Variants in ANKRD18B observed in about 807,000 individuals in gnomAD.
ANKRD18B encodes ankyrin repeat domain 18B, also known as ankyrin repeat domain-containing protein 18B.
In ANKRD18B, 75 loss-of-function variants were observed where a neutral mutation model predicts 111.8. That is an observed-to-expected ratio of 0.67 (90% CI 0.56 to 0.81). The LOEUF (loss-of-function observed/expected upper bound fraction) is 0.81. ANKRD18B is among the 40% of genes least tolerant of loss of function. The pLI, the probability that ANKRD18B is intolerant of heterozygous loss-of-function variation, is 0.00. For synonymous variants in ANKRD18B, 356 were observed against 417.3 expected (o/e 0.85, Z 1.79); for missense variants, 1,038 against 1,225.5 (o/e 0.85, Z 2.28).
At chr9:33,551,330 G>A (rs1828442278) in intron 12 of ANKRD18B, among the ~76,000 whole-genome samples, 1 of 152,174 alleles carries the variant, frequency 6.6e-6, no homozygotes, top group Admixed American at 6.5e-5. Flanking sequence ...GTGGTCATCA[G>A]CATAATCAAT....
At chr9:33,569,584 C>T (rs1828739399) in intron 17 of ANKRD18B, among the ~76,000 whole-genome samples, 1 of 152,016 alleles carries the variant, frequency 6.6e-6, no homozygotes, top group Non-Finnish European at 1.5e-5. Context: ...AGTTTATTTG[C>T]ACCAACTTAA....
intron 10 of ANKRD18B, among the ~76,000 whole-genome samples, chr9:33,544,873 G>A (rs1169958081): frequency 3.3e-5 from 5 of 152,086 alleles, no homozygotes; most frequent in Non-Finnish European, 7.4e-5. Flanking sequence ...TTCAACTGAA[G>A]ATTGGTGAAA....
chr9:33,555,960 C>A, intron 13 of ANKRD18B, 140 bp downstream of exon 13: 2 of 630,478 alleles, frequency 3.2e-6, no homozygotes, highest in Non-Finnish European at 4.7e-6. Flanking sequence ...AAATATATTT[C>A]AGAAACTCAC....
At chr9:33,550,869 T>G (rs1828436545) in intron 12 of ANKRD18B, among the ~76,000 whole-genome samples, 1 of 152,194 alleles carries the variant, frequency 6.6e-6, no homozygotes, top group Admixed American at 6.6e-5. Flanking sequence ...TTAAACAGTA[T>G]TTTTAGATAA....
At chr9:33,550,025 G>C (rs1429223624) in intron 11 of ANKRD18B, among the ~76,000 whole-genome samples, 1 of 152,106 alleles carries the variant, frequency 6.6e-6, no homozygotes, top group Non-Finnish European at 1.5e-5. Context: ...AGTTTGTACG[G>C]GACAGAGTTG....
intron 14 of ANKRD18B, among the ~76,000 whole-genome samples, chr9:33,562,636 G>A (rs1828623515): frequency 6.6e-6 from 1 of 152,180 alleles, no homozygotes; most frequent in South Asian, 2.1e-4. Flanking sequence ...CAAGTTGTGT[G>A]CTATAGAGAA....
chr9:33,548,360 T>C lies in ANKRD18B; in HGVS notation c.1572T>C (p.Ser524=), dbSNP rs1201146529. The C allele has an allele frequency of 1.3e-6, 2 of 1,550,174 alleles. No individual in the cohort carries two copies. Among genetic ancestry groups the C allele is most frequent in the South Asian group, 2.4e-5 (2 of 83,602 alleles). The part of the protein sequence containing the change: ...ELVLWRADDV[S]RHETMGSNIS... ...TTTTATGGAGAGCAGATGATGTTTC[T>C]AGACATGAAACAATGGGTTCTAATA... Residue 524 remains serine, a synonymous_variant, in exon 11 of 19, where the codon TCT becomes TCC. Coordinates refer to ENST00000684830, the MANE Select transcript of ANKRD18B (RefSeq NM_001393611.1).
chr9:33,571,494 A>C (rs899715116), intron 18 of ANKRD18B: 3 of 168,468 alleles, frequency 1.8e-5, no homozygotes, highest in Non-Finnish European at 4.1e-5. Context: ...CATGTTCCAT[A>C]GCTTAAAAAA....
chr9:33,541,358 T>C, intron 9 of ANKRD18B, 131 bp downstream of exon 9: 1 of 1,306,050 alleles, frequency 7.7e-7, no homozygotes, highest in Non-Finnish European at 1.0e-6. Flanking sequence ...TACAAGGTTT[T>C]CACCCATCCA....
At chr9:33,566,163 T>C (rs1378111059) in intron 14 of ANKRD18B, 56 bp from the exon 15 acceptor site, 2 of 1,438,624 alleles carry the variant, frequency 1.4e-6, no homozygotes, top group African/African-American at 2.9e-5. Flanking sequence ...ATTGGTTTTG[T>C]ATTAGATTAT....
chr9:33,531,565 G>A (rs1289570838), intron 3 of ANKRD18B, among the ~76,000 whole-genome samples: 4 of 150,344 alleles, frequency 2.7e-5, no homozygotes, highest in Non-Finnish European at 5.9e-5. Flanking sequence ...GTTGCCCTGG[G>A]TAGGAGGCAC....
chr9:33,525,728 A>G, intron 1 of ANKRD18B, among the ~76,000 whole-genome samples: 1 of 151,074 alleles, frequency 6.6e-6, no homozygotes, highest in Middle Eastern at 3.5e-3. Context: ...ACACACTTGA[A>G]AAATATTTAC....
At chr9:33,542,912 T>C (rs115636462) in intron 9 of ANKRD18B, among the ~76,000 whole-genome samples, 2 of 147,348 alleles carry the variant, frequency 1.4e-5, no homozygotes, top group Non-Finnish European at 3.0e-5. Context: ...TTTCCAGCAG[T>C]TTTTTTTTTA....
chr9:33,530,977 T>C (rs763636491), intron 3 of ANKRD18B, among the ~76,000 whole-genome samples: 1 of 152,196 alleles, frequency 6.6e-6, no homozygotes, highest in African/African-American at 2.4e-5. Context: ...CAGTAGCAAA[T>C]CTTGAACCTT....
chr9:33,559,007 T>C (rs952806053), intron 14 of ANKRD18B, among the ~76,000 whole-genome samples: 4 of 152,166 alleles, frequency 2.6e-5, no homozygotes, highest in Admixed American at 2.6e-4. Context: ...TAACAAGTCA[T>C]AGGTGGGTTT....
In ANKRD18B at chr9:33,548,186, A is replaced by G. The variant is rs1315013560; in HGVS notation, c.1398A>G (p.Lys466=). 1.3e-6 allele frequency: 2 copies of G among 1,548,516 alleles called. No homozygotes were observed. Among genetic ancestry groups the G allele is most frequent in the Middle Eastern group, 1.7e-4 (1 of 5,986 alleles). The change falls in exon 11 of 19, where the codon AAA becomes AAG. Residue 466 remains lysine (K), a synonymous_variant. Transcript: ENST00000684830. ...ATTCGCAACAGCTTAATGATCTGAA[A>G]GCTGAGAATGCAAGGCTGAATTCAA... ...AQYSQQLNDL[K]AENARLNSKL...
At chr9:33,549,946 T>G (rs1828422338) in intron 11 of ANKRD18B, among the ~76,000 whole-genome samples, 2 of 152,180 alleles carry the variant, frequency 1.3e-5, no homozygotes, top group African/African-American at 2.4e-5. Flanking sequence ...CTGTGATTTA[T>G]GAGTTTGACA....
rs1229355529 is a variant in ANKRD18B at position 33,550,462 on chromosome 9, C to T, written c.2100C>T (p.Val700=). The change falls in exon 12 of 19, where the codon GTC becomes GTT. Residue 700 remains valine, a synonymous_variant. Coordinates refer to ENST00000684830, the MANE Select transcript of ANKRD18B (RefSeq NM_001393611.1). The stretch of plus-strand genomic sequence containing the variant: ...TGAGAGAATTTCAAGAAGAACTGGT[C>T]GATCATCTTAAAAAATTTTCAATGT... ...VIVREFQEEL[V]DHLKKFSMSE... 17 of 1,544,876 alleles carry T rather than the reference C, an allele frequency of 1.1e-5. No individual in the cohort carries two copies. The highest frequency in any genetic ancestry group is 2.5e-5 in the East Asian group (1 of 40,694).
intron 12 of ANKRD18B, among the ~76,000 whole-genome samples, chr9:33,551,230 A>G (rs1007271423): frequency 2.6e-5 from 4 of 152,334 alleles, no homozygotes; most frequent in Admixed American, 1.3e-4. Flanking sequence ...GATTTTAAAA[A>G]CAGTTTCACT....
Sources: gnomAD v4.1 joint callset for allele counts (sites outside exome capture counted in the v4.1 genomes callset) on GRCh38, gnomAD v4.1.1 for gene constraint, MANE v1.5 for transcripts, NCBI Gene and HGNC (gene_info 2026-07-23, HGNC 2026-07-21) for gene names.